CLCN5: variants seen among roughly 807,000 people sequenced by gnomAD.
The protein encoded by CLCN5 is Cl-/H+ antiporter 5, also known as H(+)/Cl(-) exchange transporter 5.
A neutral mutation model predicts 54.0 loss-of-function variants in CLCN5; 17 were observed. The observed-to-expected ratio is 0.31, with a 90% CI of 0.22 to 0.47. The LOEUF (loss-of-function observed/expected upper bound fraction) is 0.47. Ranked by LOEUF, CLCN5 falls within the 20% of genes least tolerant of loss-of-function variation. CLCN5 has a pLI of 1.00. For missense variants in CLCN5, 448 were observed against 646.7 expected (o/e 0.69, Z 3.33); for synonymous variants, 222 against 233.0 (o/e 0.95, Z 0.43).
At chrX:50,038,916 A>G (rs185603960) in intron 3 of CLCN5, among the ~76,000 whole-genome samples, 1 of 111,772 alleles carries the variant, frequency 8.9e-6, no homozygotes, top group African/African-American at 3.3e-5. Context: ...CCTTGATTAT[A>G]GCTGTTACAT....
intron 13 of CLCN5, 75 bp from the exon 14 acceptor site, chrX:50,090,595 G>C (rs1223188362): frequency 8.6e-7 from 1 of 1,156,144 alleles, no homozygotes; most frequent in Non-Finnish European, 1.2e-6. Context: ...ACAGGGAAGG[G>C]GGGACTGGTT....
At chrX:49,978,017 G>A (rs1602005212) in intron 3 of CLCN5, among the ~76,000 whole-genome samples, 1 of 112,288 alleles carries the variant, frequency 8.9e-6, no homozygotes, top group East Asian at 2.8e-4. Context: ...CAAACCAACG[G>A]TATGACCTTG....
chrX:50,079,548 C>T (rs1933589769), intron 7 of CLCN5, among the ~76,000 whole-genome samples: 1 of 112,082 alleles, frequency 8.9e-6, no homozygotes, highest in African/African-American at 3.2e-5. Context: ...TCTTTTGTGG[C>T]ATGCTTCATT....
chrX:50,032,440 T>C (rs1368998777), intron 3 of CLCN5, among the ~76,000 whole-genome samples: 1 of 111,519 alleles, frequency 9.0e-6, no homozygotes, highest in Non-Finnish European at 1.9e-5. Context: ...TATCTCATTG[T>C]GGTTTTGATT....
intron 3 of CLCN5, among the ~76,000 whole-genome samples, chrX:49,966,590 T>TTTTTTTTTTTTTTTTTTTA: frequency 9.0e-5 from 1 of 11,172 alleles, no homozygotes; most frequent in Non-Finnish European, 1.5e-4. Context: ...ATCTCTGATC[T>TTTTTTTTTTTTTTTTTTTA]TTTTTTTTTT....
chrX:49,953,934 C>G (rs1927184485), intron 3 of CLCN5, among the ~76,000 whole-genome samples: 1 of 111,680 alleles, frequency 9.0e-6, no homozygotes, highest in African/African-American at 3.3e-5. Flanking sequence ...TAGTGTATTC[C>G]TTTAGTTACG....
At position 49,966,525 on chromosome X, in the gene CLCN5, T is replaced by G. The variant is rs1345521242; in HGVS notation, c.16+41211T>G. Reference sequence around the variant, plus strand: ...GAACTAGCTAAGCATTTCCTTGATTTTTCTTTCATTTTTATGTTTCCTTTT... The same window carrying G: ...GAACTAGCTAAGCATTTCCTTGATTGTTCTTTCATTTTTATGTTTCCTTTT... On this transcript the variant is annotated intron_variant, in intron 3 of 14. Transcript: ENST00000376091. Among the ~76,000 whole-genome samples the G allele has an allele frequency of 4.7e-5, 5 of 106,255 alleles. No individual in the cohort carries two copies. The Admixed American group carries it at 5.2e-4, about 11-fold the overall frequency. 92.3% of individuals were successfully genotyped at this position (106,255 alleles called of 115,157 possible).
At chrX:50,030,797 A>G (rs1931660235) in intron 3 of CLCN5, among the ~76,000 whole-genome samples, 1 of 112,470 alleles carries the variant, frequency 8.9e-6, no homozygotes, top group Admixed American at 9.4e-5. Flanking sequence ...TAATCTGATA[A>G]CTTATGTTGG....
At chrX:49,929,775 TTTTG>T (rs1355868985) in intron 3 of CLCN5, among the ~76,000 whole-genome samples, 7 of 107,685 alleles carry the variant, frequency 6.5e-5, no homozygotes, top group African/African-American at 2.1e-4. Context: ...AATATAGGTT[TTTTG>T]TTTTTTTTTT....
At chrX:49,984,106 A>G (rs1928873293) in intron 3 of CLCN5, among the ~76,000 whole-genome samples, 1 of 111,678 alleles carries the variant, frequency 9.0e-6, no homozygotes, top group Admixed American at 9.6e-5. Flanking sequence ...TTTCAGACAT[A>G]TCATATTTGT....
intron 3 of CLCN5, among the ~76,000 whole-genome samples, chrX:49,996,966 C>G (rs1929554925): frequency 8.9e-6 from 1 of 111,921 alleles, no homozygotes; most frequent in South Asian, 3.8e-4. Context: ...TCCTCCTGAT[C>G]TGTGTTTGTC....
At chrX:50,084,467 C>T (rs1933819673) in intron 9 of CLCN5, among the ~76,000 whole-genome samples, 1 of 110,275 alleles carries the variant, frequency 9.1e-6, no homozygotes, top group Non-Finnish European at 1.9e-5. Flanking sequence ...CTGCAACCTC[C>T]ATCACCTGGG....
At chrX:50,037,918 G>A (rs1326259580) in intron 3 of CLCN5, among the ~76,000 whole-genome samples, 4 of 111,330 alleles carry the variant, frequency 3.6e-5, no homozygotes, top group African/African-American at 6.6e-5. Flanking sequence ...GCAGCAACCC[G>A]AATAACAATG....
At chrX:50,042,197 A>G (rs1484385827) in intron 3 of CLCN5, 119 bp from the exon 4 acceptor site, 2 of 326,010 alleles carry the variant, frequency 6.1e-6, no homozygotes, top group Non-Finnish European at 1.1e-5. Context: ...ATAGTTGCAC[A>G]TAGTAAGTGT....
intron 3 of CLCN5, among the ~76,000 whole-genome samples, chrX:49,936,945 A>G (rs188683038): frequency 9.0e-6 from 1 of 111,583 alleles, no homozygotes; most frequent in Non-Finnish European, 1.9e-5. Context: ...AGAGTAAAGT[A>G]GCCTGGACGT....
At chrX:49,994,369 C>T (rs1929408681) in intron 3 of CLCN5, among the ~76,000 whole-genome samples, 1 of 109,761 alleles carries the variant, frequency 9.1e-6, no homozygotes. Context: ...GGGCTAGCCA[C>T]AATAGGAACC....
intron 3 of CLCN5, among the ~76,000 whole-genome samples, chrX:49,971,411 G>T (rs1557176196): frequency 9.2e-6 from 1 of 108,569 alleles, no homozygotes; most frequent in African/African-American, 3.3e-5. Context: ...TGAATAGAAG[G>T]TGTGAGATTG....
intron 3 of CLCN5, chrX:50,003,090 T>A (rs1208694551): frequency 5.5e-5 from 19 of 347,292 alleles, no homozygotes; most frequent in African/African-American, 4.1e-4. Flanking sequence ...GGCACAGTCA[T>A]AGAAGTCCAA....
At chrX:49,925,013 C>G (rs1468840032) in intron 2 of CLCN5, among the ~76,000 whole-genome samples, 158 bp from the exon 3 acceptor site, 2 of 113,001 alleles carry the variant, frequency 1.8e-5, no homozygotes, top group Non-Finnish European at 3.7e-5. Context: ...CCAGATCTCT[C>G]TCTCTTCAGA....
Sources: allele counts gnomAD v4.1 joint callset (sites outside exome capture counted in the v4.1 genomes callset), GRCh38; gene constraint gnomAD v4.1.1; transcripts MANE v1.5; gene names NCBI Gene and HGNC (gene_info 2026-07-23, HGNC 2026-07-21).